Variants in TBCA observed in about 807,000 individuals in gnomAD.
The protein encoded by TBCA is tubulin folding cofactor A.
In TBCA, 6 loss-of-function variants were observed where a neutral mutation model predicts 15.8. That is an observed-to-expected ratio of 0.38 (90% CI 0.21 to 0.75). The LOEUF (loss-of-function observed/expected upper bound fraction) is 0.75, where lower values mean the gene tolerates loss of function less well. Ranked by LOEUF, TBCA falls within the 30% of genes least tolerant of loss-of-function variation. TBCA has a pLI of 0.46. For synonymous variants in TBCA, 32 were observed against 42.3 expected, an observed-to-expected ratio of 0.76 and a Z score of 0.94; for missense variants, 90 against 131.2, an observed-to-expected ratio of 0.69 and a Z score of 1.53.
At chr5:77,757,776 T>A (rs1022244418) in intron 1 of TBCA, among the ~76,000 whole-genome samples, 1 of 152,226 alleles carries the variant, frequency 6.6e-6, no homozygotes, top group Non-Finnish European at 1.5e-5. Context: ...AGGTTAAGGA[T>A]GTGCCCGTGA....
intron 1 of TBCA, among the ~76,000 whole-genome samples, chr5:77,740,863 T>C (rs1012585225): frequency 2.0e-5 from 3 of 152,212 alleles, no homozygotes; most frequent in Non-Finnish European, 4.4e-5. Context: ...ACATCTGTCT[T>C]ATTCACTATT....
intron 1 of TBCA, among the ~76,000 whole-genome samples, chr5:77,770,086 G>A (rs1377617053): frequency 6.6e-6 from 1 of 152,190 alleles, no homozygotes; most frequent in Non-Finnish European, 1.5e-5. Flanking sequence ...AAATGATTGT[G>A]AGTGTTTTTT....
At chr5:77,706,628 A>G (rs564389832) in intron 2 of TBCA, among the ~76,000 whole-genome samples, 146 of 152,190 alleles carry the variant, frequency 9.6e-4, no homozygotes, top group African/African-American at 3.2e-3. Flanking sequence ...CCTGGCCAAC[A>G]TGACAAAACC....
chr5:77,729,425 G>C (rs1441215532), intron 1 of TBCA, among the ~76,000 whole-genome samples: 1 of 152,102 alleles, frequency 6.6e-6, no homozygotes, highest in Non-Finnish European at 1.5e-5. Context: ...AGCCTCACTA[G>C]AAAGTTGACT....
At chr5:77,764,515 CTTTATT>C (rs10600361) in intron 1 of TBCA, among the ~76,000 whole-genome samples, 34,463 of 151,912 alleles carry the variant, frequency 0.23, 4,574 homozygotes, top group Non-Finnish European at 0.31. Flanking sequence ...AGTCTCCCAT[CTTTATT>C]TTTAACTCTG....
chr5:77,727,388 G>C (rs1407695458), intron 1 of TBCA, among the ~76,000 whole-genome samples: 1 of 152,116 alleles, frequency 6.6e-6, no homozygotes, highest in Non-Finnish European at 1.5e-5. Context: ...AGTGGAAACT[G>C]ATCTTACCAT....
At chr5:77,692,201 C>T in intron 3 of TBCA, 1 of 984,580 alleles carries the variant, frequency 1.0e-6, no homozygotes, top group Non-Finnish European at 1.2e-6. Flanking sequence ...TATGTCAGGT[C>T]AATAAAAGAT....
intron 1 of TBCA, among the ~76,000 whole-genome samples, chr5:77,763,365 TG>T (rs2112510548): frequency 6.6e-6 from 1 of 152,180 alleles, no homozygotes; most frequent in East Asian, 1.9e-4. Context: ...TATCAAGTAT[TG>T]GAGAGGATGT....
At chr5:77,752,434 G>A (rs181644187) in intron 1 of TBCA, among the ~76,000 whole-genome samples, 235 of 151,822 alleles carry the variant, frequency 1.5e-3, no homozygotes, top group Non-Finnish European at 2.9e-3. Context: ...TCTGATCTCC[G>A]CTCACTGCAA....
At chr5:77,754,487 T>C (rs987250457) in intron 1 of TBCA, among the ~76,000 whole-genome samples, 13 of 152,240 alleles carry the variant, frequency 8.5e-5, no homozygotes, top group Admixed American at 8.5e-4. Flanking sequence ...GACAAGTTTA[T>C]TTACAAGTAT....
intron 1 of TBCA, among the ~76,000 whole-genome samples, chr5:77,733,261 AC>A (rs558729890): frequency 8.1e-4 from 124 of 152,328 alleles, no homozygotes; most frequent in African/African-American, 2.6e-3. Flanking sequence ...AGCCTGGGCA[AC>A]AGAACAAGAC....
At chr5:77,697,571 G>A (rs1216151995) in intron 2 of TBCA, among the ~76,000 whole-genome samples, 1 of 152,006 alleles carries the variant, frequency 6.6e-6, no homozygotes, top group South Asian at 2.1e-4. Flanking sequence ...AAATGGAAAT[G>A]AAAATATAAC....
At chr5:77,693,494 T>C in intron 2 of TBCA, 142 bp from the exon 3 acceptor site, 4 of 1,046,358 alleles carry the variant, frequency 3.8e-6, no homozygotes, top group South Asian at 3.2e-5. Flanking sequence ...TTAACTTAAA[T>C]TGTATTTATT....
intron 1 of TBCA, among the ~76,000 whole-genome samples, chr5:77,769,490 T>G (rs983869593): frequency 6.6e-6 from 1 of 152,194 alleles, no homozygotes; most frequent in African/African-American, 2.4e-5. Context: ...GTCATTTGCA[T>G]TCTTCACTTT....
At chr5:77,751,377 C>T (rs1747333959) in intron 1 of TBCA, among the ~76,000 whole-genome samples, 2 of 151,762 alleles carry the variant, frequency 1.3e-5, no homozygotes, top group South Asian at 2.1e-4. Flanking sequence ...TTTAGTTTCA[C>T]TATGTTGGCC....
intron 1 of TBCA, among the ~76,000 whole-genome samples, chr5:77,733,642 T>G (rs1228760805): frequency 6.6e-6 from 1 of 152,176 alleles, no homozygotes; most frequent in East Asian, 1.9e-4. Context: ...GATTGGTTCA[T>G]GAGGTTTAAG....
At chr5:77,692,278 G>A (rs1031566031) in intron 3 of TBCA, 46 of 985,150 alleles carry the variant, frequency 4.7e-5, no homozygotes, top group African/African-American at 1.2e-4. Flanking sequence ...AAAGCAAAAC[G>A]ACTGAGAATT....
At chr5:77,721,332 ATG>A (rs1746523897) in intron 1 of TBCA, among the ~76,000 whole-genome samples, 1 of 152,130 alleles carries the variant, frequency 6.6e-6, no homozygotes. Context: ...TTGATATGTA[ATG>A]TGTTTATGCA....
intron 1 of TBCA, among the ~76,000 whole-genome samples, chr5:77,746,571 C>T (rs938062258): frequency 4.6e-5 from 7 of 152,068 alleles, no homozygotes; most frequent in Non-Finnish European, 4.4e-5. Flanking sequence ...CCTCCTTTTT[C>T]GATATTAACT....
Sources: allele counts gnomAD v4.1 joint callset (sites outside exome capture counted in the v4.1 genomes callset), GRCh38; gene constraint gnomAD v4.1.1; transcripts MANE v1.5; gene names NCBI Gene and HGNC (gene_info 2026-07-23, HGNC 2026-07-21).